FOXK2: variants seen among roughly 807,000 people sequenced by gnomAD.
FOXK2 encodes the protein forkhead box protein K2.
FOXK2 carries 24 observed loss-of-function variants against 53.3 expected under a neutral mutation model. The ratio of observed to expected loss-of-function variants is 0.45; its 90% CI spans 0.33 to 0.63. The LOEUF is 0.63. Among genes scored for constraint, FOXK2 ranks in the 30% least tolerant of loss-of-function variants. The pLI is 0.03. For synonymous variants in FOXK2, 505 were observed against 407.1 expected (o/e 1.24, Z -2.89); for missense variants, 952 against 910.5 (o/e 1.05, Z -0.59).
chr17:82,594,719 T>C (rs557996141), intron 8 of FOXK2, among the ~76,000 whole-genome samples: 219 of 152,206 alleles, frequency 1.4e-3, no homozygotes, highest in Non-Finnish European at 8.2e-4. Flanking sequence ...TCTCTGTAGA[T>C]GGACTCGCAG....
At chr17:82,537,390 G>A (rs2044530728) in intron 1 of FOXK2, among the ~76,000 whole-genome samples, 1 of 152,044 alleles carries the variant, frequency 6.6e-6, no homozygotes, top group African/African-American at 2.4e-5. Flanking sequence ...GCTCACGCCT[G>A]AAATCCCAGC....
Position 82,571,762 on chromosome 17 carries a change from A to G in FOXK2, c.801A>G (p.Ile267Met). 6.3e-7 allele frequency: 1 copy of G among 1,593,090 alleles called. No homozygotes were observed. The highest frequency in any genetic ancestry group is 8.5e-7 in the Non-Finnish European group (1 of 1,172,684). ...CGCCTTACTCCTACGCGCAGCTGAT[A>G]GTTCAGGCGATTACGATGGCTCCCG... ...SKPPYSYAQL[I>M]VQAITMAPDK... The change falls in exon 4 of 9, where the codon ATA becomes ATG. Residue 267 changes from isoleucine (I) to methionine (M), a missense_variant. Transcript: ENST00000335255.
chr17:82,544,401 G>A (rs979495632), intron 1 of FOXK2, among the ~76,000 whole-genome samples: 3 of 152,034 alleles, frequency 2.0e-5, no homozygotes, highest in Admixed American at 2.0e-4. Flanking sequence ...GAAAGTCCTA[G>A]GGAAATGGCA....
chr17:82,554,939 G>A (rs1245137085), intron 1 of FOXK2, among the ~76,000 whole-genome samples: 1 of 151,928 alleles, frequency 6.6e-6, no homozygotes, highest in African/African-American at 2.4e-5. Context: ...AATAGTGGCA[G>A]CGTTTCACCA....
intron 1 of FOXK2, among the ~76,000 whole-genome samples, chr17:82,524,340 G>T (rs993799921): frequency 1.3e-5 from 2 of 152,194 alleles, no homozygotes; most frequent in African/African-American, 4.8e-5. Flanking sequence ...ATGAATTTAT[G>T]TTTTGAATTT....
chr17:82,534,116 A>G (rs1448937310), intron 1 of FOXK2, among the ~76,000 whole-genome samples: 2 of 151,560 alleles, frequency 1.3e-5, no homozygotes, highest in Non-Finnish European at 2.9e-5. Context: ...TGTTGTGGCA[A>G]GGGCCTCTAG....
chr17:82,595,735 G>A (rs1359227933), intron 8 of FOXK2: 4 of 1,281,848 alleles, frequency 3.1e-6, no homozygotes, highest in South Asian at 2.5e-5. Context: ...CCCTAAAAGT[G>A]CACCTGGCTC....
At chr17:82,551,704 AT>A (rs1478274543) in intron 1 of FOXK2, among the ~76,000 whole-genome samples, 1 of 152,174 alleles carries the variant, frequency 6.6e-6, no homozygotes, top group Non-Finnish European at 1.5e-5. Context: ...AAACATAAAA[AT>A]TTGAGGCTGA....
intron 8 of FOXK2, chr17:82,588,533 T>G (rs2045220394): frequency 6.4e-6 from 1 of 156,122 alleles, no homozygotes; most frequent in Non-Finnish European, 1.4e-5. Context: ...ACTCCCAGTC[T>G]GAAGACAAGG....
chr17:82,526,129 A>G (rs1215344972), intron 1 of FOXK2, among the ~76,000 whole-genome samples: 1 of 152,140 alleles, frequency 6.6e-6, no homozygotes, highest in Non-Finnish European at 1.5e-5. Context: ...GACTGGAGAG[A>G]GATGAGCCGA....
intron 1 of FOXK2, among the ~76,000 whole-genome samples, chr17:82,525,976 C>CCCACACTTTCTTATGTGGCCTGAATT (rs2044414872): frequency 6.6e-6 from 1 of 152,206 alleles, no homozygotes; most frequent in African/African-American, 2.4e-5. Context: ...TGGCCTGAAT[C>CCCACACTTTCTTATGTGGCCTGAATT]CCACACTTTC....
At chr17:82,577,261 C>T (rs1474502361) in intron 4 of FOXK2, 1 of 1,300,936 alleles carries the variant, frequency 7.7e-7, no homozygotes, top group Non-Finnish European at 1.1e-6. Context: ...AGTACTTGTC[C>T]ATGTAATTTC....
At chr17:82,536,129 C>T (rs923358036) in intron 1 of FOXK2, among the ~76,000 whole-genome samples, 10 of 152,144 alleles carry the variant, frequency 6.6e-5, no homozygotes, top group East Asian at 1.9e-4. Context: ...CTGCCCATCT[C>T]GGCCTCCCCA....
chr17:82,566,276 C>A (rs1044713677), intron 2 of FOXK2, among the ~76,000 whole-genome samples: 2 of 151,966 alleles, frequency 1.3e-5, no homozygotes, highest in African/African-American at 2.4e-5. Context: ...GAAAAACATC[C>A]GTTGTGCATG....
intron 1 of FOXK2, among the ~76,000 whole-genome samples, chr17:82,542,686 A>G (rs1052951342): frequency 6.6e-6 from 1 of 152,144 alleles, no homozygotes; most frequent in Non-Finnish European, 1.5e-5. Context: ...GGACAGGTGC[A>G]GAGTGCGGCC....
intron 8 of FOXK2, among the ~76,000 whole-genome samples, chr17:82,598,264 T>A (rs1332679996): frequency 6.6e-6 from 1 of 152,172 alleles, no homozygotes; most frequent in Non-Finnish European, 1.5e-5. Flanking sequence ...TTTTAAAAAT[T>A]ATTTATTTTT....
At chr17:82,543,759 C>T (rs1022105201) in intron 1 of FOXK2, among the ~76,000 whole-genome samples, 7 of 150,190 alleles carry the variant, frequency 4.7e-5, no homozygotes, top group African/African-American at 1.2e-4. Flanking sequence ...TGGGACTACA[C>T]GCCAGCATGC....
chr17:82,531,398 A>G (rs528798032), intron 1 of FOXK2, among the ~76,000 whole-genome samples: 1 of 152,018 alleles, frequency 6.6e-6, no homozygotes, highest in East Asian at 1.9e-4. Context: ...TTGATGGTAG[A>G]CTCCCCAAAG....
chr17:82,577,328 A>G (rs571554125), intron 4 of FOXK2: 62 of 834,466 alleles, frequency 7.4e-5, no homozygotes, highest in Non-Finnish European at 1.1e-4. Context: ...TCCAACCACA[A>G]CAGCAAATTC....
Sources: allele counts gnomAD v4.1 joint callset (sites outside exome capture counted in the v4.1 genomes callset), GRCh38; gene constraint gnomAD v4.1.1; transcripts MANE v1.5; gene names NCBI Gene and HGNC (gene_info 2026-07-23, HGNC 2026-07-21).